The following AAK1 variants were observed in gnomAD, a reference collection of about 807,000 sequenced individuals.
The protein encoded by AAK1 is AP2-associated protein kinase 1.
A neutral mutation model predicts 116.0 loss-of-function variants in AAK1; 37 were observed. The ratio of observed to expected loss-of-function variants is 0.32; its 90% CI spans 0.25 to 0.42. The LOEUF (loss-of-function observed/expected upper bound fraction) is 0.42, where lower values mean the gene tolerates loss of function less well. AAK1 is among the 10% of genes least tolerant of loss of function. The probability of loss-of-function intolerance (pLI) is 1.00; values close to 1 mark genes in which losing one functional copy is unlikely to be tolerated. For missense variants in AAK1, 919 were observed against 1,170.6 expected (o/e 0.79, Z 3.14); for synonymous variants, 458 against 439.9 (o/e 1.04, Z -0.51).
At chr2:69,506,579 G>A (rs1485167431) in intron 15 of AAK1, among the ~76,000 whole-genome samples, 1 of 152,082 alleles carries the variant, frequency 6.6e-6, no homozygotes, top group Non-Finnish European at 1.5e-5. Context: ...TGCCCAGGCT[G>A]GTCTTGAACT....
chr2:69,609,583 G>A (rs558727750), intron 2 of AAK1, among the ~76,000 whole-genome samples: 2 of 151,632 alleles, frequency 1.3e-5, no homozygotes, highest in Non-Finnish European at 2.9e-5. Flanking sequence ...AGAATCATTT[G>A]AACCCAGAAG....
At chr2:69,594,967 G>T in intron 2 of AAK1, 1 of 840,840 alleles carries the variant, frequency 1.2e-6, no homozygotes, top group Non-Finnish European at 2.0e-6. Context: ...GGCATACAGA[G>T]AATCCTTGCC....
intron 2 of AAK1, among the ~76,000 whole-genome samples, chr2:69,629,579 A>G (rs1160003458): frequency 6.6e-6 from 1 of 152,268 alleles, no homozygotes; most frequent in Non-Finnish European, 1.5e-5. Context: ...TATTGTAATA[A>G]GCGAGGTGAA....
In AAK1 at chr2:69,507,412, C is replaced by T. The variant is rs1358419371; in HGVS notation, c.2164+9G>A. ...TCAAGAAGCACAAAAAAAGACACAG[C>T]TTACTCACCTTCCCCAAGCTTGGCA... On this transcript the variant is annotated intron_variant, in intron 15 of 21. Coordinates refer to ENST00000409085, the MANE Select transcript of AAK1 (RefSeq NM_014911.5). The T allele has an allele frequency of 1.2e-6, 2 of 1,610,596 alleles. No homozygotes were observed. The highest frequency in any genetic ancestry group is 3.4e-5 in the Admixed American group (2 of 59,532).
At chr2:69,548,687 C>A (rs1671035828) in intron 3 of AAK1, among the ~76,000 whole-genome samples, 1 of 151,922 alleles carries the variant, frequency 6.6e-6, no homozygotes, top group African/African-American at 2.4e-5. Context: ...TCACTGCAAG[C>A]TCTGCCTCCT....
intron 5 of AAK1, among the ~76,000 whole-genome samples, chr2:69,539,680 C>G (rs549059989): frequency 6.6e-6 from 1 of 152,206 alleles, no homozygotes; most frequent in Non-Finnish European, 1.5e-5. Context: ...CTAGCCTGGT[C>G]TGCAACTGGC....
chr2:69,532,151 G>T lies in AAK1; in HGVS notation c.546C>A (p.Ile182=). ...IIHRDLKVEN[I]LLHDRGHYVL... ...CATAGTGGCCTCGGTCATGCAAGAG[G>T]ATGTTTTCAACCTGAAAAACATTCC... Residue 182 remains isoleucine, a synonymous_variant, in exon 6 of 22, where the codon ATC becomes ATA. Transcript: ENST00000409085. 6.2e-7 allele frequency: 1 copy of T among 1,613,366 alleles called. No homozygotes were observed. Among genetic ancestry groups the T allele is most frequent in the Non-Finnish European group, 8.5e-7 (1 of 1,179,476 alleles).
rs139671172 is a variant in AAK1, at chr2:69,602,472, A to G, written c.163+40406T>C. ...TATATATTATGTGGCTGACTTTCAA[A>G]TAACTCAGAAAAATATGATAAAACA... is the stretch of plus-strand genomic sequence containing the variant. On this transcript the variant is annotated intron_variant, in intron 2 of 21. Transcript: ENST00000409085. Among the ~76,000 whole-genome samples, 977 of 152,318 alleles carry G rather than the reference A, an allele frequency of 6.4e-3. 22 individuals are homozygous for G. Among genetic ancestry groups the G allele is most frequent in the East Asian group, 0.012 (62 of 5,188 alleles).
In AAK1 at chr2:69,465,124, C is replaced by A; in HGVS notation, c.*10745G>T. The A allele has an allele frequency of 4.7e-6, 1 of 212,724 alleles. No homozygotes were observed. The allele number at this position is 212,724 out of a possible 1,614,324, so 13.2% of individuals were successfully genotyped here. ...ATTTAAACAGTTTCTGTGGGTGGGG[C>A]GGGGGGAAAGCAGAGTTCTTGGTGG... On this transcript the variant is annotated 3_prime_UTR_variant, in exon 22 of 22. Coordinates refer to ENST00000409085, the MANE Select transcript of AAK1 (RefSeq NM_014911.5).
chr2:69,542,475 C>T (rs763809577), intron 5 of AAK1, 48 bp downstream of exon 5: 8 of 1,607,666 alleles, frequency 5.0e-6, no homozygotes, highest in South Asian at 2.2e-5. Flanking sequence ...CTGGGGCAGA[C>T]AGAAAATATT....
At chr2:69,545,068 C>A (rs1670869645) in intron 3 of AAK1, among the ~76,000 whole-genome samples, 1 of 151,768 alleles carries the variant, frequency 6.6e-6, no homozygotes, top group East Asian at 1.9e-4. Context: ...GAAGGGACTA[C>A]AATAGCATCC....
In AAK1 at chr2:69,536,675, G is replaced by A. The variant is rs187452809; in HGVS notation, c.535-4513C>T. On this transcript the variant is annotated intron_variant, in intron 5 of 21. Transcript: ENST00000409085. The stretch of plus-strand genomic sequence containing the variant: ...TTTCCTAGCCTCTCAGCTTAAGAGT[G>A]CAATTGAAGTTGTCACTGTCAAACT... Among the ~76,000 whole-genome samples the A allele has an allele frequency of 3.3e-4, 51 of 152,288 alleles. No homozygotes were observed. The South Asian group carries it at 7.5e-3, about 22-fold the overall frequency.
chr2:69,493,174 A>AAAAAAAAAAAAAAC (rs1675607529), intron 17 of AAK1, among the ~76,000 whole-genome samples: 1 of 149,054 alleles, frequency 6.7e-6, no homozygotes, highest in African/African-American at 2.5e-5. Flanking sequence ...AAAAAAAAAA[A>AAAAAAAAAAAAAAC]AAAGGATGCA....
chr2:69,545,905 A>C (rs1167419002), intron 3 of AAK1, among the ~76,000 whole-genome samples: 1 of 152,172 alleles, frequency 6.6e-6, no homozygotes, highest in Non-Finnish European at 1.5e-5. Context: ...CTTGCAGAAC[A>C]TTTGTGCCTA....
chr2:69,496,980 A>C (rs1675770705), intron 16 of AAK1, among the ~76,000 whole-genome samples: 1 of 152,168 alleles, frequency 6.6e-6, no homozygotes, highest in Non-Finnish European at 1.5e-5. Flanking sequence ...ATAGATTTAC[A>C]GAACTCTATA....
rs1350301156 is a variant in AAK1 at position 69,464,248 on chromosome 2, C to A, written c.*11621G>T. On this transcript the variant is annotated 3_prime_UTR_variant, in exon 22 of 22. Transcript: ENST00000409085. ...ACAAAACCACCCCAAAACAAGCAAGCCTAGTTTGTAGCCTAGTCTCATGAT... is the reference window on the plus strand; with the variant it reads ...ACAAAACCACCCCAAAACAAGCAAGACTAGTTTGTAGCCTAGTCTCATGAT... 6.6e-6 allele frequency: 1 copy of A among 151,948 alleles called. No homozygotes were observed. Among genetic ancestry groups the A allele is most frequent in the Non-Finnish European group, 1.5e-5 (1 of 68,040 alleles). 9.4% of individuals were successfully genotyped at this position (151,948 alleles called of 1,614,324 possible).
At chr2:69,605,297 G>A (rs949216267) in intron 2 of AAK1, among the ~76,000 whole-genome samples, 1 of 152,134 alleles carries the variant, frequency 6.6e-6, no homozygotes, top group Non-Finnish European at 1.5e-5. Context: ...ACTGTGTTTT[G>A]TAACTTCTGA....
chr2:69,637,977 G>C (rs1283467340), intron 2 of AAK1, among the ~76,000 whole-genome samples: 2 of 152,186 alleles, frequency 1.3e-5, no homozygotes, highest in African/African-American at 2.4e-5. Context: ...CATGGCAATT[G>C]CTTATTCTGG....
Position 69,475,386 on chromosome 2 carries a change from A to C in AAK1, c.*483T>G. On this transcript the variant is annotated 3_prime_UTR_variant, in exon 22 of 22. Transcript: ENST00000409085. ...ACTGCCTAGAGTTAAGACCAACTGA[A>C]GTAGCCATGTCCTCATGATAATGCA... 1 of 990,004 alleles carries C rather than the reference A, an allele frequency of 1.0e-6. No homozygotes were observed. Among genetic ancestry groups the C allele is most frequent in the South Asian group, 4.6e-5 (1 of 21,630 alleles). The allele number at this position is 990,004 out of a possible 1,614,324, so 61.3% of individuals were successfully genotyped here. A position where few individuals can be genotyped will look rare whatever the true frequency, so the allele number is the denominator to read the frequency against.
Sources: gnomAD v4.1 joint callset for allele counts (sites outside exome capture counted in the v4.1 genomes callset) on GRCh38, gnomAD v4.1.1 for gene constraint, MANE v1.5 for transcripts, NCBI Gene and HGNC (gene_info 2026-07-23, HGNC 2026-07-21) for gene names.